Variants in ADCY1 observed in about 807,000 individuals in gnomAD.
ADCY1 encodes the protein adenylate cyclase type 1.
ADCY1 carries 28 observed loss-of-function variants against 105.4 expected under a neutral mutation model. The ratio of observed to expected loss-of-function variants is 0.27; its 90% CI spans 0.20 to 0.36. The LOEUF is 0.36. ADCY1 is among the 10% of genes least tolerant of loss of function. The pLI is 1.00. For missense variants in ADCY1, 977 were observed against 1,434.2 expected, an observed-to-expected ratio of 0.68 and a Z score of 5.15; for synonymous variants, 655 against 623.8, an observed-to-expected ratio of 1.05 and a Z score of -0.75.
intron 4 of ADCY1, among the ~76,000 whole-genome samples, chr7:45,636,533 T>G (rs1420467955): frequency 6.6e-6 from 1 of 152,050 alleles, no homozygotes; most frequent in South Asian, 2.1e-4. Context: ...TTATTTTTAG[T>G]CTGTTTGTGT....
At chr7:45,659,432 A>T (rs1476906164) in intron 6 of ADCY1, among the ~76,000 whole-genome samples, 5 of 152,292 alleles carry the variant, frequency 3.3e-5, no homozygotes, top group Admixed American at 3.3e-4. Context: ...GTGCCCTGCT[A>T]AGGAGCAGAG....
intron 11 of ADCY1, among the ~76,000 whole-genome samples, chr7:45,682,119 C>T (rs1399773193): frequency 6.6e-6 from 1 of 152,150 alleles, no homozygotes; most frequent in Non-Finnish European, 1.5e-5. Flanking sequence ...ATTCAGTGAG[C>T]TCATTTGCAC....
At position 45,718,444 on chromosome 7, in the gene ADCY1, A is replaced by G. The variant is rs1000323618; in HGVS notation, c.*4449A>G. 6.6e-6 allele frequency: 1 copy of G among 152,052 alleles called. No homozygotes were observed. The highest frequency in any genetic ancestry group is 2.4e-5 in the African/African-American group (1 of 41,386). 9.4% of individuals were successfully genotyped at this position (152,052 alleles called of 1,614,324 possible). On this transcript the variant is annotated 3_prime_UTR_variant, in exon 20 of 20. Transcript: ENST00000297323. Reference sequence around the variant, plus strand: ...TGTTCAGGCCTGGGGGCCCCATGCTAGGCTTGCCTGGGTGTGAGAAGGTCG... The same window carrying G: ...TGTTCAGGCCTGGGGGCCCCATGCTGGGCTTGCCTGGGTGTGAGAAGGTCG...
chr7:45,654,110 A>G (rs1311396679), intron 5 of ADCY1, among the ~76,000 whole-genome samples: 2 of 152,218 alleles, frequency 1.3e-5, no homozygotes. Flanking sequence ...AGCCGCTGCA[A>G]GTATTGATTC....
At chr7:45,645,472 C>T (rs1197638048) in intron 4 of ADCY1, among the ~76,000 whole-genome samples, 2 of 152,128 alleles carry the variant, frequency 1.3e-5, no homozygotes, top group African/African-American at 4.8e-5. Flanking sequence ...TACTGACAGG[C>T]CCCACCTTTG....
Position 45,677,856 on chromosome 7 carries a change from A to G in ADCY1, c.1606-13A>G. 1.2e-6 allele frequency: 2 copies of G among 1,610,090 alleles called. No homozygotes were observed. The highest frequency in any genetic ancestry group is 1.7e-6 in the Non-Finnish European group (2 of 1,178,574). ...AATTTGATGATACTCCTTTATTTCC[A>G]TGATGGCTCCAGCGGAGGGCATTAA... On this transcript the variant is annotated splice_polypyrimidine_tract_variant and intron_variant, in intron 8 of 19. Coordinates refer to ENST00000297323, the MANE Select transcript of ADCY1 (RefSeq NM_021116.4).
At chr7:45,685,689 G>T (rs1345545445) in intron 12 of ADCY1, among the ~76,000 whole-genome samples, 1 of 152,142 alleles carries the variant, frequency 6.6e-6, no homozygotes, top group African/African-American at 2.4e-5. Context: ...GGAGCTGGGG[G>T]CAGGAGTAAC....
At chr7:45,622,568 A>G in intron 3 of ADCY1, 64 bp from the exon 4 acceptor site, 2 of 1,162,444 alleles carry the variant, frequency 1.7e-6, no homozygotes, top group Admixed American at 3.5e-5. Context: ...ACATCTGTAC[A>G]TCTCTAGGGA....
intron 3 of ADCY1, among the ~76,000 whole-genome samples, chr7:45,622,285 C>T (rs1793921270): frequency 6.6e-6 from 1 of 152,120 alleles, no homozygotes; most frequent in South Asian, 2.1e-4. Context: ...TGCCGCTGGC[C>T]ACATCCCAGT....
chr7:45,707,510 C>T (rs185844130), intron 17 of ADCY1, among the ~76,000 whole-genome samples: 3 of 152,144 alleles, frequency 2.0e-5, no homozygotes, highest in Non-Finnish European at 2.9e-5. Context: ...TTAGTGGTTG[C>T]TGGGGGTTGG....
Position 45,591,139 on chromosome 7 carries a change from G to A in ADCY1, c.640-1620G>A, listed in dbSNP as rs542613446. On this transcript the variant is annotated intron_variant, in intron 1 of 19. Transcript: ENST00000297323. This position sits in a 1 kb window ranked among gnomAD's most constrained non-coding sequence, Gnocchi z 4.1. ...AGCCTCCTGATGGATGTGCCTTTGA[G>A]GCTATGTCATACACCTCAGGTTTGA... 1.3e-5 allele frequency among the ~76,000 whole-genome samples: 2 copies of A among 152,310 alleles called. No individual in the cohort carries two copies. The highest frequency in any genetic ancestry group is 3.9e-4 in the East Asian group (2 of 5,182).
chr7:45,635,658 A>G (rs1348949228), intron 4 of ADCY1, among the ~76,000 whole-genome samples: 1 of 86,576 alleles, frequency 1.2e-5, no homozygotes, highest in African/African-American at 4.7e-5. Flanking sequence ...TAGAGATGTG[A>G]TTCAGGGATA....
chr7:45,632,247 G>A (rs923309007), intron 4 of ADCY1, among the ~76,000 whole-genome samples: 1 of 152,146 alleles, frequency 6.6e-6, no homozygotes, highest in Non-Finnish European at 1.5e-5. Flanking sequence ...CTGGAATCAG[G>A]TCCTGTGCTT....
At chr7:45,576,082 G>C (rs1197444363) in intron 1 of ADCY1, among the ~76,000 whole-genome samples, 1 of 152,250 alleles carries the variant, frequency 6.6e-6, no homozygotes, top group Non-Finnish European at 1.5e-5. Flanking sequence ...ACCCTGAGGA[G>C]GGTTTTGTTT....
At chr7:45,590,697 C>T (rs1337356397) in intron 1 of ADCY1, among the ~76,000 whole-genome samples, 2 of 151,944 alleles carry the variant, frequency 1.3e-5, no homozygotes, top group Non-Finnish European at 2.9e-5. Context: ...TCTTCAGGGT[C>T]ATAGTGGAGA....
chr7:45,598,006 C>A (rs1254340386), intron 2 of ADCY1, among the ~76,000 whole-genome samples: 2 of 152,216 alleles, frequency 1.3e-5, no homozygotes. Flanking sequence ...CCCTGGGCCC[C>A]TGCCCTTCAT....
intron 1 of ADCY1, among the ~76,000 whole-genome samples, chr7:45,577,947 G>T (rs922734933): frequency 1.3e-5 from 2 of 152,236 alleles, no homozygotes; most frequent in Non-Finnish European, 2.9e-5. Context: ...TCAAGTCCCT[G>T]CTCTGAGCTA....
At chr7:45,578,038 G>T (rs1792401357) in intron 1 of ADCY1, among the ~76,000 whole-genome samples, 1 of 152,236 alleles carries the variant, frequency 6.6e-6, no homozygotes, top group East Asian at 1.9e-4. Context: ...AGCATTCATT[G>T]TTCCAGTTCT....
intron 17 of ADCY1, among the ~76,000 whole-genome samples, chr7:45,706,426 T>A (rs1259526885): frequency 7.7e-6 from 1 of 129,300 alleles, no homozygotes; most frequent in Non-Finnish European, 1.5e-5. Flanking sequence ...AAAGGAGCAG[T>A]AGCAATACCA....
Sources: gnomAD v4.1 joint callset for allele counts (sites outside exome capture counted in the v4.1 genomes callset) on GRCh38, gnomAD v4.1.1 for gene constraint, Gnocchi (gnomAD v3.1) non-coding constraint, MANE v1.5 for transcripts, NCBI Gene and HGNC (gene_info 2026-07-23, HGNC 2026-07-21) for gene names.